The following FOXN3 variants were observed in gnomAD, a reference collection of about 807,000 sequenced individuals.
FOXN3 encodes forkhead box N3.
A neutral mutation model predicts 38.4 loss-of-function variants in FOXN3; 7 were observed. That is an observed-to-expected ratio of 0.18 (90% CI 0.10 to 0.34). The LOEUF (loss-of-function observed/expected upper bound fraction) is 0.34. FOXN3 is among the 10% of genes least tolerant of loss of function. FOXN3 has a pLI of 1.00. For synonymous variants in FOXN3, 230 were observed against 242.2 expected, an observed-to-expected ratio of 0.95 and a Z score of 0.47; for missense variants, 456 against 613.4, an observed-to-expected ratio of 0.74 and a Z score of 2.71.
chr14:89,384,985 T>C (rs1596243315), intron 2 of FOXN3, among the ~76,000 whole-genome samples: 1 of 152,192 alleles, frequency 6.6e-6, no homozygotes, highest in Admixed American at 6.5e-5. Flanking sequence ...GGAGATTATG[T>C]CTCTCCCCTA....
intron 1 of FOXN3, among the ~76,000 whole-genome samples, chr14:89,414,997 A>G (rs191236553): frequency 6.6e-6 from 1 of 152,184 alleles, no homozygotes; most frequent in Admixed American, 6.5e-5. Flanking sequence ...CAGACAAAAA[A>G]CAAGCTAGCA....
intron 1 of FOXN3, among the ~76,000 whole-genome samples, chr14:89,531,122 ATATATATACACATATATGTAT>A (rs1204757153): frequency 1.3e-5 from 2 of 148,856 alleles, no homozygotes; most frequent in African/African-American, 2.5e-5. Context: ...CACACACATA[ATATATATACACATATATGTAT>A]TATATATACA....
At chr14:89,487,969 G>A (rs243225) in intron 1 of FOXN3, among the ~76,000 whole-genome samples, 52,271 of 151,920 alleles carry the variant, frequency 0.34, 9,093 homozygotes, top group East Asian at 0.44. Context: ...GTTGGAAAGC[G>A]TGAGGGCTAT....
intron 2 of FOXN3, among the ~76,000 whole-genome samples, chr14:89,362,953 G>A (rs975699653): frequency 5.3e-5 from 8 of 152,140 alleles, no homozygotes; most frequent in South Asian, 2.1e-4. Flanking sequence ...AACAGCACAG[G>A]AGTTGGGCAG....
At chr14:89,468,880 G>A (rs1893037204) in intron 1 of FOXN3, among the ~76,000 whole-genome samples, 1 of 152,158 alleles carries the variant, frequency 6.6e-6, no homozygotes, top group Admixed American at 6.5e-5. Context: ...TCCAAAGGGT[G>A]AACTTGCTGG....
At chr14:89,565,575 G>A (rs567878382) in intron 1 of FOXN3, among the ~76,000 whole-genome samples, 2 of 152,248 alleles carry the variant, frequency 1.3e-5, no homozygotes, top group Admixed American at 6.5e-5. Context: ...TGGGCTGGAC[G>A]AGGCCTAAGG....
Position 89,363,979 on chromosome 14 carries a change from TA to T in FOXN3, c.544-13172del, listed in dbSNP as rs1237523362. On this transcript the variant is annotated intron_variant, in intron 2 of 5. Transcript: ENST00000557258. ...ATATATATATATATATATATATATA[TA>T]TATATATAATATATATATATATTCT... Among the ~76,000 whole-genome samples, 2 of 88,942 alleles carry T rather than the reference TA, an allele frequency of 2.2e-5. 1 individual carries two copies. Among genetic ancestry groups the T allele is most frequent in the African/African-American group, 1.0e-4 (2 of 19,592 alleles). 58.3% of individuals were successfully genotyped at this position (88,942 alleles called of 152,430 possible). A position where few individuals can be genotyped will look rare whatever the true frequency, so the allele number is the denominator to read the frequency against.
chr14:89,379,118 T>C (rs1890569581), intron 2 of FOXN3, among the ~76,000 whole-genome samples: 1 of 152,200 alleles, frequency 6.6e-6, no homozygotes, highest in Non-Finnish European at 1.5e-5. Flanking sequence ...CTTTCTTCAC[T>C]TGGCATTTAA....
chr14:89,426,215 ATTTTTTTTTTTT>A (rs33964198), intron 1 of FOXN3, among the ~76,000 whole-genome samples: 1 of 77,560 alleles, frequency 1.3e-5, no homozygotes, highest in African/African-American at 5.5e-5. Context: ...AGGAGTACTG[ATTTTTTTTTTTT>A]TTTTTTTTTT....
intron 1 of FOXN3, among the ~76,000 whole-genome samples, chr14:89,448,426 C>T (rs946475946): frequency 2.0e-5 from 3 of 151,888 alleles, no homozygotes; most frequent in Non-Finnish European, 2.9e-5. Flanking sequence ...GGAAGAGGCT[C>T]GAACACCCAC....
At chr14:89,263,804 C>G (rs1489967018) in intron 4 of FOXN3, 3 of 152,264 alleles carry the variant, frequency 2.0e-5, no homozygotes, top group Non-Finnish European at 2.9e-5. Context: ...GTAATCCCAG[C>G]ACTTTGGGAG....
chr14:89,354,809 C>A (rs947914912), intron 2 of FOXN3, among the ~76,000 whole-genome samples: 11 of 151,628 alleles, frequency 7.3e-5, no homozygotes, highest in African/African-American at 2.2e-4. Flanking sequence ...GAGCTGAGAT[C>A]GTGCCATTGC....
At chr14:89,423,000 C>G (rs944004434) in intron 1 of FOXN3, among the ~76,000 whole-genome samples, 10 of 152,314 alleles carry the variant, frequency 6.6e-5, no homozygotes, top group Admixed American at 5.9e-4. Flanking sequence ...AGCCGATGAT[C>G]TAGAATCCAG....
At chr14:89,216,473 T>C (rs1884286315) in intron 4 of FOXN3, among the ~76,000 whole-genome samples, 1 of 152,140 alleles carries the variant, frequency 6.6e-6, no homozygotes, top group South Asian at 2.1e-4. Context: ...CAACATTTAG[T>C]GCCAGAACCT....
chr14:89,569,508 C>T (rs947742060), intron 1 of FOXN3, among the ~76,000 whole-genome samples: 2 of 152,138 alleles, frequency 1.3e-5, no homozygotes, highest in Admixed American at 1.3e-4. Context: ...GTATACTGAA[C>T]CAACTTAAAA....
At chr14:89,440,582 C>T (rs1242834131) in intron 1 of FOXN3, among the ~76,000 whole-genome samples, 1 of 152,132 alleles carries the variant, frequency 6.6e-6, no homozygotes, top group African/African-American at 2.4e-5. Flanking sequence ...CAAAAAGCAC[C>T]CCCACTGAGC....
intron 4 of FOXN3, among the ~76,000 whole-genome samples, chr14:89,246,794 C>A (rs1025756930): frequency 2.0e-5 from 3 of 152,130 alleles, no homozygotes; most frequent in African/African-American, 7.2e-5. Context: ...CCGCCTCAGC[C>A]TCCCAAAGTG....
intron 1 of FOXN3, among the ~76,000 whole-genome samples, chr14:89,593,904 G>A (rs535690849): frequency 3.6e-4 from 55 of 152,300 alleles, no homozygotes; most frequent in African/African-American, 1.3e-3. Context: ...ACTGCACTGG[G>A]CAGCTATAGT....
chr14:89,616,811 T>C (rs1355906762), intron 1 of FOXN3, among the ~76,000 whole-genome samples: 1 of 152,206 alleles, frequency 6.6e-6, no homozygotes, highest in Non-Finnish European at 1.5e-5. Flanking sequence ...AAAGTAAGCC[T>C]GGGGGCTCAT....
Sources: allele counts gnomAD v4.1 joint callset (sites outside exome capture counted in the v4.1 genomes callset), GRCh38; gene constraint gnomAD v4.1.1; transcripts MANE v1.5; gene names NCBI Gene and HGNC (gene_info 2026-07-23, HGNC 2026-07-21).